Variants in ASIC2 observed in about 807,000 individuals in gnomAD.
The protein encoded by ASIC2 is acid sensing ion channel subunit 2.
Under a neutral mutation model 57.3 loss-of-function variants are expected in ASIC2, and 25 were observed. That is an observed-to-expected ratio of 0.44 (90% CI 0.32 to 0.61). The LOEUF is 0.61. ASIC2 is among the 20% of genes least tolerant of loss of function. ASIC2 has a pLI of 0.06. For synonymous variants in ASIC2, 319 were observed against 307.5 expected (o/e 1.04, Z -0.39); for missense variants, 641 against 738.1 (o/e 0.87, Z 1.52).
intron 1 of ASIC2, among the ~76,000 whole-genome samples, chr17:33,516,342 T>TTGTA (rs940988967): frequency 2.6e-5 from 4 of 151,168 alleles, no homozygotes; most frequent in South Asian, 2.1e-4. Context: ...GTGTGTGTGT[T>TTGTA]TGTATGTGTG....
At chr17:33,752,030 G>A (rs2932932) in intron 1 of ASIC2, among the ~76,000 whole-genome samples, 2 of 151,116 alleles carry the variant, frequency 1.3e-5, no homozygotes, top group Non-Finnish European at 2.9e-5. Context: ...CACATTTGTC[G>A]TCTAAGCACC....
chr17:34,106,745 T>A (rs939086699), intron 1 of ASIC2, among the ~76,000 whole-genome samples: 9 of 152,204 alleles, frequency 5.9e-5, no homozygotes, highest in South Asian at 2.1e-4. Flanking sequence ...CCCTGTGACA[T>A]CCTCCCACCA....
intron 1 of ASIC2, among the ~76,000 whole-genome samples, chr17:33,386,011 C>G (rs147970886): frequency 6.6e-6 from 1 of 152,350 alleles, no homozygotes; most frequent in African/African-American, 2.4e-5. Flanking sequence ...TGGCAGTTGT[C>G]TGTTACTATA....
chr17:33,103,464 A>G (rs147444749), intron 2 of ASIC2, among the ~76,000 whole-genome samples: 407 of 152,180 alleles, frequency 2.7e-3, no homozygotes, highest in African/African-American at 9.2e-3. Context: ...TATTTCCTCA[A>G]TGTTTCTTTT....
chr17:33,820,883 A>G (rs41423847), intron 1 of ASIC2, among the ~76,000 whole-genome samples: 1,787 of 152,214 alleles, frequency 0.012, 39 homozygotes, highest in African/African-American at 0.04. Flanking sequence ...GCTGTTAGAA[A>G]ACCTAAAATT....
chr17:33,145,233 C>T (rs1301513397), intron 1 of ASIC2, among the ~76,000 whole-genome samples: 4 of 152,230 alleles, frequency 2.6e-5, no homozygotes, highest in Non-Finnish European at 5.9e-5. Flanking sequence ...TACCAGCTTC[C>T]AGCTCAGGTC....
At chr17:33,304,112 C>A (rs1386581058) in intron 1 of ASIC2, among the ~76,000 whole-genome samples, 2 of 152,146 alleles carry the variant, frequency 1.3e-5, no homozygotes, top group Admixed American at 6.5e-5. Context: ...AATGGCCAGG[C>A]AAATGATGGT....
chr17:33,190,262 T>G (rs1276586797), intron 1 of ASIC2, among the ~76,000 whole-genome samples: 1 of 152,092 alleles, frequency 6.6e-6, no homozygotes, highest in South Asian at 2.1e-4. Context: ...TATAAACGGT[T>G]GGAAATTAAA....
At chr17:33,083,394 C>T (rs183812379) in intron 3 of ASIC2, among the ~76,000 whole-genome samples, 143 of 152,278 alleles carry the variant, frequency 9.4e-4, no homozygotes, top group Middle Eastern at 3.4e-3. Flanking sequence ...TGCCAAATCC[C>T]CCACTTCATT....
At chr17:33,831,606 C>T (rs1230738652) in intron 1 of ASIC2, among the ~76,000 whole-genome samples, 1 of 151,932 alleles carries the variant, frequency 6.6e-6, no homozygotes, top group Non-Finnish European at 1.5e-5. Flanking sequence ...AAAATAGAGT[C>T]CTGCAAAGTT....
chr17:33,063,855 G>A (rs950318072), intron 3 of ASIC2, among the ~76,000 whole-genome samples: 10 of 152,092 alleles, frequency 6.6e-5, no homozygotes, highest in African/African-American at 1.2e-4. Flanking sequence ...GGCTTTGTTC[G>A]TTTCTTTTTA....
At chr17:33,329,077 A>AG (rs5820030) in intron 1 of ASIC2, among the ~76,000 whole-genome samples, 15,794 of 152,208 alleles carry the variant, frequency 0.1, 852 homozygotes, top group Middle Eastern at 0.18. Flanking sequence ...TCAGAATTCA[A>AG]GGGGAAATAA....
intron 1 of ASIC2, among the ~76,000 whole-genome samples, chr17:33,370,465 T>C (rs910872826): frequency 6.6e-6 from 1 of 152,154 alleles, no homozygotes; most frequent in Non-Finnish European, 1.5e-5. Context: ...TGCAAGGCCT[T>C]CATTAAAGAC....
intron 1 of ASIC2, among the ~76,000 whole-genome samples, chr17:33,181,728 C>T (rs943118669): frequency 3.3e-5 from 5 of 152,176 alleles, no homozygotes; most frequent in Non-Finnish European, 5.9e-5. Context: ...CGGTATGTTC[C>T]GTTTGCACTT....
At chr17:33,051,691 C>G (rs576432435) in intron 3 of ASIC2, among the ~76,000 whole-genome samples, 6 of 152,104 alleles carry the variant, frequency 3.9e-5, no homozygotes, top group Non-Finnish European at 8.8e-5. Context: ...ATAGGAATAC[C>G]ATTCTTCATC....
intron 1 of ASIC2, among the ~76,000 whole-genome samples, chr17:34,030,041 A>G (rs942924896): frequency 6.6e-6 from 1 of 152,116 alleles, no homozygotes; most frequent in African/African-American, 2.4e-5. Flanking sequence ...ATCCCACACA[A>G]TTGGCTCTTC....
At chr17:33,733,065 T>C (rs1206928712) in intron 1 of ASIC2, among the ~76,000 whole-genome samples, 1 of 152,258 alleles carries the variant, frequency 6.6e-6, no homozygotes, top group Admixed American at 6.5e-5. Context: ...CCTTTGATTG[T>C]TGAGCCACTT....
chr17:33,907,075 G>C (rs553361093), intron 1 of ASIC2, among the ~76,000 whole-genome samples: 1 of 152,136 alleles, frequency 6.6e-6, no homozygotes, highest in Non-Finnish European at 1.5e-5. Context: ...GTAAATCCTT[G>C]GGAGAGGGGG....
At chr17:33,816,382 G>GT (rs1345606617) in intron 1 of ASIC2, among the ~76,000 whole-genome samples, 4 of 152,162 alleles carry the variant, frequency 2.6e-5, no homozygotes, top group Non-Finnish European at 5.9e-5. Context: ...AACCCACACT[G>GT]TTAATGTCCA....
Sources: gnomAD v4.1 joint callset for allele counts (sites outside exome capture counted in the v4.1 genomes callset) on GRCh38, gnomAD v4.1.1 for gene constraint, MANE v1.5 for transcripts, NCBI Gene and HGNC (gene_info 2026-07-23, HGNC 2026-07-21) for gene names.